IMMP1L: variants seen among roughly 807,000 people sequenced by gnomAD.
IMMP1L encodes inner mitochondrial membrane peptidase subunit 1.
IMMP1L carries 24 observed loss-of-function variants against 21.8 expected under a neutral mutation model. That is an observed-to-expected ratio of 1.10 (90% confidence interval 0.80 to 1.55). The LOEUF is 1.55. Among genes scored for constraint, IMMP1L ranks in the 40% most tolerant of loss-of-function variants. The pLI is 0.00. For missense variants in IMMP1L, 195 were observed against 200.7 expected (o/e 0.97, Z 0.17); for synonymous variants, 46 against 62.8 (o/e 0.73, Z 1.26).
intron 1 of IMMP1L, among the ~76,000 whole-genome samples, chr11:31,466,473 T>C (rs1382038384): frequency 6.6e-6 from 1 of 152,066 alleles, no homozygotes; most frequent in Non-Finnish European, 1.5e-5. Context: ...GCAGCGTAGC[T>C]ACTATTCACA....
chr11:31,482,072 TA>T (rs1240705759), intron 1 of IMMP1L, among the ~76,000 whole-genome samples: 1 of 152,052 alleles, frequency 6.6e-6, no homozygotes, highest in Non-Finnish European at 1.5e-5. Context: ...AAACTGCACA[TA>T]AGGTGAACAT....
chr11:31,453,236 T>TACAAAAAAATCAAGAAGGCAA, intron 4 of IMMP1L: 1 of 550,198 alleles, frequency 1.8e-6, no homozygotes, highest in Middle Eastern at 6.9e-4. Context: ...ACCAATGATT[T>TACAAAAAAATCAAGAAGGCAA]GTTTATGTTC....
At chr11:31,486,341 T>C (rs950143064) in intron 1 of IMMP1L, among the ~76,000 whole-genome samples, 2 of 151,978 alleles carry the variant, frequency 1.3e-5, no homozygotes, top group South Asian at 2.1e-4. Context: ...ATCAGTAAAG[T>C]GAAGGAGTTA....
chr11:31,450,931 G>A (rs1167645268), intron 4 of IMMP1L, among the ~76,000 whole-genome samples: 1 of 152,084 alleles, frequency 6.6e-6, no homozygotes, highest in Non-Finnish European at 1.5e-5. Flanking sequence ...ATGAGTCCCT[G>A]TCACCAAGAA....
At chr11:31,437,998 G>A (rs896233781) in intron 4 of IMMP1L, among the ~76,000 whole-genome samples, 2 of 152,140 alleles carry the variant, frequency 1.3e-5, no homozygotes, top group African/African-American at 4.8e-5. Context: ...GGATACTTGG[G>A]TTGTTTGCAG....
At chr11:31,434,270 G>A (rs1195415068) in intron 4 of IMMP1L, among the ~76,000 whole-genome samples, 1 of 151,998 alleles carries the variant, frequency 6.6e-6, no homozygotes. Context: ...GTATAAACTG[G>A]TAAATAACAA....
chr11:31,447,544 A>G (rs893806903), intron 4 of IMMP1L, among the ~76,000 whole-genome samples: 2 of 152,250 alleles, frequency 1.3e-5, no homozygotes, highest in East Asian at 1.9e-4. Context: ...TAAATTACCT[A>G]TAATTGTAAG....
At position 31,462,208 on chromosome 11, in the gene IMMP1L, G is replaced by C. The variant is rs369517607; in HGVS notation, c.105+964C>G. 3.3e-5 allele frequency among the ~76,000 whole-genome samples: 5 copies of C among 151,772 alleles called. No homozygotes were observed. In the East Asian group the frequency reaches 7.7e-4, roughly 23 times the overall value. On this transcript the variant is annotated intron_variant, in intron 2 of 5. Coordinates refer to ENST00000532287, the MANE Select transcript of IMMP1L (RefSeq NM_001304274.2). ...TGTGCGCCTGTAGTCCTAGCTACTT[G>C]GGAGGCTGATGCATGAGAATTGTTT...
chr11:31,503,461 A>G (rs753031159), intron 1 of IMMP1L, among the ~76,000 whole-genome samples: 3 of 152,164 alleles, frequency 2.0e-5, no homozygotes, highest in Non-Finnish European at 4.4e-5. Flanking sequence ...CAATAAAGCC[A>G]AATTTGAGTA....
At chr11:31,469,271 A>G (rs1293022310) in intron 1 of IMMP1L, among the ~76,000 whole-genome samples, 2 of 152,192 alleles carry the variant, frequency 1.3e-5, no homozygotes, top group Non-Finnish European at 2.9e-5. Flanking sequence ...AAGAGAAAAA[A>G]AAGTACAAAA....
chr11:31,477,968 C>T (rs565686465), intron 1 of IMMP1L, among the ~76,000 whole-genome samples: 10 of 152,218 alleles, frequency 6.6e-5, no homozygotes, highest in Non-Finnish European at 1.5e-4. Context: ...GCAGCAGATT[C>T]TGCTGTCTAT....
At chr11:31,453,819 A>G (rs1430674955) in intron 4 of IMMP1L, among the ~76,000 whole-genome samples, 2 of 152,162 alleles carry the variant, frequency 1.3e-5, no homozygotes, top group Non-Finnish European at 2.9e-5. Context: ...AAAAATAATA[A>G]AGACAAATAC....
At chr11:31,472,662 T>C (rs987234867) in intron 1 of IMMP1L, among the ~76,000 whole-genome samples, 6 of 152,154 alleles carry the variant, frequency 3.9e-5, no homozygotes, top group African/African-American at 1.2e-4. Flanking sequence ...GGAACCTATA[T>C]ATTCTTTCAA....
intron 1 of IMMP1L, among the ~76,000 whole-genome samples, chr11:31,481,263 G>C (rs1408923302): frequency 3.9e-5 from 6 of 152,048 alleles, no homozygotes; most frequent in Non-Finnish European, 8.8e-5. Flanking sequence ...CTAATGTGTT[G>C]CTCCACTCAT....
At chr11:31,460,906 T>C (rs1954119033) in intron 2 of IMMP1L, among the ~76,000 whole-genome samples, 192 bp from the exon 3 acceptor site, 6 of 152,108 alleles carry the variant, frequency 3.9e-5, no homozygotes, top group Admixed American at 3.9e-4. Context: ...TATAGACAAA[T>C]ACATTATAAA....
chr11:31,502,248 CAA>C (rs1201232365), intron 1 of IMMP1L, among the ~76,000 whole-genome samples: 1 of 151,918 alleles, frequency 6.6e-6, no homozygotes, highest in Non-Finnish European at 1.5e-5. Context: ...AAACAGAATT[CAA>C]AAAGAGGTAG....
intron 3 of IMMP1L, among the ~76,000 whole-genome samples, chr11:31,458,265 T>C (rs1954012747): frequency 6.6e-6 from 1 of 152,126 alleles, no homozygotes; most frequent in Admixed American, 6.5e-5. Flanking sequence ...CTCCTTCAAA[T>C]AGTTTTAAAA....
At chr11:31,495,477 C>G (rs1955401267) in intron 1 of IMMP1L, among the ~76,000 whole-genome samples, 1 of 152,116 alleles carries the variant, frequency 6.6e-6, no homozygotes, top group Admixed American at 6.5e-5. Flanking sequence ...CTGCCTGAGA[C>G]TGGATAATTT....
At chr11:31,493,262 C>G (rs140078255) in intron 1 of IMMP1L, among the ~76,000 whole-genome samples, 11 of 152,212 alleles carry the variant, frequency 7.2e-5, no homozygotes, top group African/African-American at 2.6e-4. Context: ...CCTCAGGAAA[C>G]TTACAATCAT....
Sources: allele counts gnomAD v4.1 joint callset (sites outside exome capture counted in the v4.1 genomes callset), GRCh38; gene constraint gnomAD v4.1.1; transcripts MANE v1.5; gene names NCBI Gene and HGNC (gene_info 2026-07-23, HGNC 2026-07-21).